XKR6: variants seen among roughly 807,000 people sequenced by gnomAD.
XKR6 encodes the protein XK related 6.
A neutral mutation model predicts 56.7 loss-of-function variants in XKR6; 22 were observed. That is an observed-to-expected ratio of 0.39 (90% confidence interval 0.28 to 0.55). XKR6 has a LOEUF of 0.55. Among genes scored for constraint, XKR6 ranks in the 20% least tolerant of loss-of-function variants. XKR6 has a pLI of 0.66. For missense variants in XKR6, 852 were observed against 889.0 expected (o/e 0.96, Z 0.53); for synonymous variants, 524 against 387.8 (o/e 1.35, Z -4.13).
chr8:10,935,506 G>A (rs1801184160), intron 1 of XKR6, among the ~76,000 whole-genome samples: 2 of 124,378 alleles, frequency 1.6e-5, no homozygotes, highest in Admixed American at 7.7e-5. Flanking sequence ...TGTCAATTTT[G>A]GATCTTTCCT....
At chr8:10,993,587 G>T (rs991478049) in intron 1 of XKR6, among the ~76,000 whole-genome samples, 2 of 152,232 alleles carry the variant, frequency 1.3e-5, no homozygotes, top group African/African-American at 4.8e-5. Flanking sequence ...CGGCTACTGA[G>T]GCCGGGTGCA....
intron 1 of XKR6, among the ~76,000 whole-genome samples, chr8:11,018,257 A>G (rs1465316851): frequency 6.9e-6 from 1 of 144,820 alleles, no homozygotes; most frequent in Non-Finnish European, 1.5e-5. Flanking sequence ...ACTGGTTACC[A>G]TAGCGACCTC....
At chr8:11,154,616 G>C (rs1000824614) in intron 1 of XKR6, among the ~76,000 whole-genome samples, 1 of 152,214 alleles carries the variant, frequency 6.6e-6, no homozygotes, top group Non-Finnish European at 1.5e-5. Flanking sequence ...AGAAGTGAGA[G>C]TAGTCTTGGA....
rs1384672966 is a variant in XKR6, at chr8:10,976,483, G to A, written c.765-51653C>T. On this transcript the variant is annotated intron_variant, in intron 1 of 2. Coordinates refer to ENST00000416569, the MANE Select transcript of XKR6 (RefSeq NM_173683.4). ...CTGAGAACCAGATACGCCTGCAGGT[G>A]CCTGTCCCTCTGCGCCCCCCGGGTG... Among the ~76,000 whole-genome samples, 3 of 152,268 alleles carry A rather than the reference G, an allele frequency of 2.0e-5. No homozygotes were observed. The East Asian group carries it at 5.8e-4, about 29-fold the overall frequency.
At chr8:11,162,890 T>C (rs1330468188) in intron 1 of XKR6, among the ~76,000 whole-genome samples, 3 of 152,216 alleles carry the variant, frequency 2.0e-5, no homozygotes, top group African/African-American at 7.2e-5. Flanking sequence ...GGTAAGAGTG[T>C]TTTAGGAGTT....
At chr8:11,066,716 A>C (rs1215100876) in intron 1 of XKR6, 7 of 151,910 alleles carry the variant, frequency 4.6e-5, no homozygotes, top group Admixed American at 2.0e-4. Context: ...GAGGCATTAC[A>C]ATCATTGTGG....
At chr8:11,070,228 C>G (rs1043497967) in intron 1 of XKR6, among the ~76,000 whole-genome samples, 1 of 152,136 alleles carries the variant, frequency 6.6e-6, no homozygotes, top group African/African-American at 2.4e-5. Flanking sequence ...ATTTGCCCTG[C>G]GTCTTGGTTT....
chr8:10,938,325 G>C (rs528703128), intron 1 of XKR6, among the ~76,000 whole-genome samples: 2 of 152,290 alleles, frequency 1.3e-5, no homozygotes, highest in African/African-American at 4.8e-5. Flanking sequence ...AGATGAACCC[G>C]GTACCTCAGA....
intron 1 of XKR6, among the ~76,000 whole-genome samples, chr8:11,090,298 G>C (rs1026705745): frequency 6.6e-6 from 1 of 152,116 alleles, no homozygotes; most frequent in South Asian, 2.1e-4. Flanking sequence ...ATGTTGTCCA[G>C]GCTGGTCTCA....
chr8:10,925,250 G>C (rs988103067), intron 1 of XKR6, among the ~76,000 whole-genome samples: 1 of 152,206 alleles, frequency 6.6e-6, no homozygotes, highest in Non-Finnish European at 1.5e-5. Flanking sequence ...TTCTGGAGGA[G>C]GAAAGGAAGG....
intron 1 of XKR6, among the ~76,000 whole-genome samples, chr8:10,927,124 C>G (rs922636708): frequency 6.6e-6 from 1 of 152,122 alleles, no homozygotes. Context: ...ATGTCATCAT[C>G]GGTAGTTTGG....
intron 1 of XKR6, among the ~76,000 whole-genome samples, chr8:11,010,367 G>A (rs1340858306): frequency 1.3e-5 from 2 of 152,144 alleles, no homozygotes; most frequent in African/African-American, 4.8e-5. Flanking sequence ...AATAATAATA[G>A]TAATAGTAAA....
chr8:11,184,885 C>A (rs998389399), intron 1 of XKR6, among the ~76,000 whole-genome samples: 1 of 152,160 alleles, frequency 6.6e-6, no homozygotes, highest in African/African-American at 2.4e-5. Context: ...TACTAACACA[C>A]AAACCAAATA....
At chr8:11,094,469 C>T (rs567898149) in intron 1 of XKR6, among the ~76,000 whole-genome samples, 1 of 152,290 alleles carries the variant, frequency 6.6e-6, no homozygotes, top group African/African-American at 2.4e-5. Context: ...GGAGTACAGG[C>T]CAGAGCCACT....
chr8:10,946,370 G>A (rs1433467505), intron 1 of XKR6, among the ~76,000 whole-genome samples: 3 of 152,116 alleles, frequency 2.0e-5, no homozygotes, highest in Non-Finnish European at 2.9e-5. Flanking sequence ...TGAGCAGGCC[G>A]CAGAGCCCAC....
chr8:11,003,039 G>C (rs1057387273), intron 1 of XKR6, among the ~76,000 whole-genome samples: 18 of 152,024 alleles, frequency 1.2e-4, no homozygotes, highest in African/African-American at 4.4e-4. Flanking sequence ...CCAAGTCAGG[G>C]ACACTCCCTG....
At chr8:11,134,924 G>T (rs762557814) in intron 1 of XKR6, among the ~76,000 whole-genome samples, 1 of 151,914 alleles carries the variant, frequency 6.6e-6, no homozygotes, top group Non-Finnish European at 1.5e-5. Context: ...TAATAATACA[G>T]AAAGATATTT....
chr8:11,017,552 T>C (rs970085931), intron 1 of XKR6, among the ~76,000 whole-genome samples: 1 of 152,274 alleles, frequency 6.6e-6, no homozygotes, highest in Non-Finnish European at 1.5e-5. Context: ...CTGTTGCAGC[T>C]GCCTGTGGCT....
At chr8:10,994,020 T>G (rs1798054382) in intron 1 of XKR6, among the ~76,000 whole-genome samples, 1 of 152,156 alleles carries the variant, frequency 6.6e-6, no homozygotes, top group South Asian at 2.1e-4. Context: ...TTCAGTTACC[T>G]TCAGTAGCTG....
Sources: gnomAD v4.1 joint callset for allele counts (sites outside exome capture counted in the v4.1 genomes callset) on GRCh38, gnomAD v4.1.1 for gene constraint, MANE v1.5 for transcripts, NCBI Gene and HGNC (gene_info 2026-07-23, HGNC 2026-07-21) for gene names.